Variants in NHEJ1 observed in about 807,000 individuals in gnomAD.
NHEJ1 encodes non-homologous end-joining factor 1.
In NHEJ1, 22 loss-of-function variants were observed where a neutral mutation model predicts 39.4. The observed-to-expected ratio is 0.56, with a 90% CI of 0.40 to 0.80. The LOEUF is 0.80. NHEJ1 is among the 30% of genes least tolerant of loss of function. The probability of loss-of-function intolerance (pLI) is 0.00; values close to 1 mark genes in which losing one functional copy is unlikely to be tolerated. For missense variants in NHEJ1, 329 were observed against 357.1 expected, an observed-to-expected ratio of 0.92 and a Z score of 0.63; for synonymous variants, 154 against 135.6, an observed-to-expected ratio of 1.14 and a Z score of -0.94.
At position 219,070,279 on chromosome 2, in the gene NHEJ1, C is replaced by T. The variant is rs1163874193; in HGVS notation, c.*6102G>A. Among the ~76,000 whole-genome samples the T allele has an allele frequency of 2.6e-5, 4 of 152,142 alleles. No homozygotes were observed. The highest frequency in any genetic ancestry group is 7.2e-5 in the African/African-American group (3 of 41,424). On this transcript the variant is annotated 3_prime_UTR_variant, in exon 8 of 8. Coordinates refer to ENST00000356853, the MANE Select transcript of NHEJ1 (RefSeq NM_024782.3). ...TCAGCTCACTGCAGCCTCTGCCTCC[C>T]GGGTTCCAGCGATTCTCCTGCCTCA... is the stretch of plus-strand genomic sequence containing the variant.
chr2:219,126,386 G>C (rs1477534651), intron 5 of NHEJ1, among the ~76,000 whole-genome samples: 2 of 152,210 alleles, frequency 1.3e-5, no homozygotes, highest in Non-Finnish European at 2.9e-5. Context: ...AGTGGCCCTA[G>C]TGGGCTTTCA....
At chr2:219,126,340 T>A (rs1359808142) in intron 5 of NHEJ1, among the ~76,000 whole-genome samples, 2 of 152,234 alleles carry the variant, frequency 1.3e-5, no homozygotes, top group African/African-American at 4.8e-5. Flanking sequence ...GCCGTTCAAT[T>A]TCTCTGAGCC....
At chr2:219,146,556 C>T in intron 5 of NHEJ1, 124 bp downstream of exon 5, 2 of 821,482 alleles carry the variant, frequency 2.4e-6, no homozygotes, top group Non-Finnish European at 4.3e-6. Flanking sequence ...CTATGGGCAA[C>T]TTTTTCAGAC....
At chr2:219,135,314 T>A (rs1012091713) in intron 5 of NHEJ1, among the ~76,000 whole-genome samples, 1 of 151,814 alleles carries the variant, frequency 6.6e-6, no homozygotes. Flanking sequence ...TTGTCAGAAG[T>A]AAGACATCAA....
intron 5 of NHEJ1, among the ~76,000 whole-genome samples, chr2:219,098,235 A>T (rs911878395): frequency 5.3e-5 from 8 of 152,222 alleles, no homozygotes; most frequent in Middle Eastern, 3.2e-3. Context: ...GTAAAAATAG[A>T]CAACACTTGT....
At chr2:219,088,467 T>G (rs1949131601) in intron 5 of NHEJ1, among the ~76,000 whole-genome samples, 1 of 151,456 alleles carries the variant, frequency 6.6e-6, no homozygotes, top group South Asian at 2.1e-4. Context: ...CAAGCCAGCC[T>G]GGGCAACAGA....
In NHEJ1 at chr2:219,071,720, G is replaced by A. The variant is rs1229123426; in HGVS notation, c.*4661C>T. 6.6e-6 allele frequency among the ~76,000 whole-genome samples: 1 copy of A among 152,184 alleles called. No individual in the cohort carries two copies. Among genetic ancestry groups the A allele is most frequent in the African/African-American group, 2.4e-5 (1 of 41,436 alleles). ...TAATCCTAGCACAATCTTCCCAGGTGAGTCAATGGCTGTGTGCTCCCCACA... is the reference window on the plus strand; with the variant it reads ...TAATCCTAGCACAATCTTCCCAGGTAAGTCAATGGCTGTGTGCTCCCCACA... On this transcript the variant is annotated 3_prime_UTR_variant, in exon 8 of 8. Coordinates refer to ENST00000356853, the MANE Select transcript of NHEJ1 (RefSeq NM_024782.3).
chr2:219,127,136 C>T (rs1316624296), intron 5 of NHEJ1, among the ~76,000 whole-genome samples: 2 of 152,160 alleles, frequency 1.3e-5, no homozygotes, highest in Non-Finnish European at 2.9e-5. Context: ...TAAGCAGGGA[C>T]ACATGACCAG....
chr2:219,119,016 T>G (rs771150346), intron 5 of NHEJ1, among the ~76,000 whole-genome samples: 8 of 152,186 alleles, frequency 5.3e-5, no homozygotes, highest in Non-Finnish European at 1.2e-4. Context: ...CTCTGCTTCC[T>G]TCTCAGGACC....
rs1948986849 is a variant in NHEJ1, at chr2:219,073,778, G to A, written c.*2603C>T. ...CAGCCCCAGCCCCGGGGAGCGGGCG[G>A]GTAGGCGGGGAGGTGGGCCACTGCT... On this transcript the variant is annotated 3_prime_UTR_variant, in exon 8 of 8. Transcript: ENST00000356853. Among the ~76,000 whole-genome samples the A allele has an allele frequency of 6.6e-6, 1 of 152,190 alleles. No homozygotes were observed. The highest frequency in any genetic ancestry group is 1.5e-5 in the Non-Finnish European group (1 of 68,038).
intron 5 of NHEJ1, among the ~76,000 whole-genome samples, chr2:219,143,879 T>C (rs2106359612): frequency 6.6e-6 from 1 of 152,292 alleles, no homozygotes; most frequent in African/African-American, 2.4e-5. Flanking sequence ...GCCATGAGAA[T>C]AACTGAAGAC....
At chr2:219,142,210 G>GGAAGA (rs55835935) in intron 5 of NHEJ1, among the ~76,000 whole-genome samples, 21 of 151,540 alleles carry the variant, frequency 1.4e-4, no homozygotes, top group African/African-American at 4.1e-4. Context: ...ACGACTGCAG[G>GGAAGA]GAAGAGAAGA....
intron 3 of NHEJ1, among the ~76,000 whole-genome samples, chr2:219,156,039 G>C (rs1949851813): frequency 6.6e-6 from 1 of 151,940 alleles, no homozygotes; most frequent in African/African-American, 2.4e-5. Flanking sequence ...CACGAGGTCA[G>C]GAGATCGAGA....
At chr2:219,103,562 CA>C (rs1949287007) in intron 5 of NHEJ1, among the ~76,000 whole-genome samples, 1 of 152,194 alleles carries the variant, frequency 6.6e-6, no homozygotes, top group Non-Finnish European at 1.5e-5. Context: ...AGGCGTGAGC[CA>C]CCATGCCTGA....
At chr2:219,104,947 A>G (rs946946490) in intron 5 of NHEJ1, among the ~76,000 whole-genome samples, 2 of 152,210 alleles carry the variant, frequency 1.3e-5, no homozygotes, top group African/African-American at 4.8e-5. Flanking sequence ...CCATGGGTAA[A>G]ACAGAAACAC....
chr2:219,150,784 C>T (rs1314498973), intron 3 of NHEJ1, among the ~76,000 whole-genome samples: 5 of 151,906 alleles, frequency 3.3e-5, no homozygotes, highest in African/African-American at 1.2e-4. Flanking sequence ...GGTGAAACCC[C>T]GTCTCTACTA....
chr2:219,118,660 AG>A (rs1037225068), intron 5 of NHEJ1, among the ~76,000 whole-genome samples: 2 of 152,202 alleles, frequency 1.3e-5, no homozygotes, highest in South Asian at 2.1e-4. Flanking sequence ...AGAGAAGGAC[AG>A]GGATATATAT....
At chr2:219,146,163 T>C (rs550275748) in intron 5 of NHEJ1, among the ~76,000 whole-genome samples, 1 of 152,280 alleles carries the variant, frequency 6.6e-6, no homozygotes, top group East Asian at 1.9e-4. Context: ...AGGCCACAAT[T>C]ATCTACTCCC....
At chr2:219,080,668 TTTATATATGCTA>T (rs1949058087) in intron 5 of NHEJ1, among the ~76,000 whole-genome samples, 9 of 16,322 alleles carry the variant, frequency 5.5e-4, no homozygotes, top group East Asian at 6.3e-4. Flanking sequence ...TATATAAGCT[TTTATATATGCTA>T]ATATATATGC....
Sources: allele counts gnomAD v4.1 joint callset (sites outside exome capture counted in the v4.1 genomes callset), GRCh38; gene constraint gnomAD v4.1.1; transcripts MANE v1.5; gene names NCBI Gene and HGNC (gene_info 2026-07-23, HGNC 2026-07-21).